TNRC18: variants seen among roughly 807,000 people sequenced by gnomAD.
The protein encoded by TNRC18 is trinucleotide repeat containing 18.
Under a neutral mutation model 226.7 loss-of-function variants are expected in TNRC18, and 69 were observed. The ratio of observed to expected loss-of-function variants is 0.30; its 90% CI spans 0.25 to 0.37. TNRC18 has a LOEUF of 0.37. Ranked by LOEUF, TNRC18 falls within the 10% of genes least tolerant of loss-of-function variation. The pLI, the probability that TNRC18 is intolerant of heterozygous loss-of-function variation, is 1.00. For synonymous variants in TNRC18, 2,449 were observed against 1,927.6 expected (o/e 1.27, Z -7.09); for missense variants, 4,754 against 4,256.6 (o/e 1.12, Z -3.25).
Position 5,376,918 on chromosome 7 carries a change from G to T in TNRC18, c.2537C>A (p.Ala846Asp), listed in dbSNP as rs1436888054. The change falls in exon 8 of 30, where the codon GCC (alanine) becomes GAC (aspartate). Residue 846 changes from alanine (A) to aspartate (D), a missense_variant. Coordinates refer to ENST00000430969, the MANE Select transcript of TNRC18 (RefSeq NM_001080495.3). ...TTGGGGGTCCCTGACAAACTGGTAG[G>T]CTGACGGGAGGGAGCCCCCCAGGCC... Reference protein sequence around the residue: ...PPGLGGSLPSAYQFVRDPQSG... With the variant: ...PPGLGGSLPSDYQFVRDPQSG... 2 of 1,605,506 alleles carry T rather than the reference G, an allele frequency of 1.2e-6. No homozygotes were observed. The highest frequency in any genetic ancestry group is 8.5e-7 in the Non-Finnish European group (1 of 1,176,178).
chr7:5,358,762 C>T (rs1165529095), intron 15 of TNRC18, among the ~76,000 whole-genome samples: 2 of 152,220 alleles, frequency 1.3e-5, no homozygotes, highest in African/African-American at 2.4e-5. Flanking sequence ...TGCAGTGAGC[C>T]GAGATCGTGC....
chr7:5,389,375 C>T, intron 4 of TNRC18, 39 bp from the exon 5 acceptor site: 1 of 1,237,504 alleles, frequency 8.1e-7, no homozygotes, highest in South Asian at 3.7e-5. Context: ...GCGAGCGCCA[C>T]CTCCCCTCCC....
chr7:5,319,655 C>A (rs1004936291), intron 24 of TNRC18, among the ~76,000 whole-genome samples: 1 of 152,060 alleles, frequency 6.6e-6, no homozygotes, highest in Non-Finnish European at 1.5e-5. Context: ...ATTACAGGCA[C>A]CTGCCACCAC....
Position 5,325,146 on chromosome 7 carries a change from C to T in TNRC18, c.6250G>A (p.Ala2084Thr), listed in dbSNP as rs561713828. Residue 2084 changes from alanine to threonine, a missense_variant, in exon 20 of 30, where the codon GCT becomes ACT. Ala to Thr is a moderately conservative substitution (Grantham distance 58). Coordinates refer to ENST00000430969, the MANE Select transcript of TNRC18 (RefSeq NM_001080495.3). The stretch of plus-strand genomic sequence containing the variant: ...GCCTTGGCTTTGCTCCTTTTGGCAG[C>T]GGTCAGGGAGCTGGCGTGAGGAGCC... ...ARAPHASSLT[A>T]AKRSKAKAKG... is the part of the protein sequence containing the mutation. 8.8e-4 allele frequency: 1,365 copies of T among 1,551,208 alleles called. 20 individuals are homozygous for T. The South Asian group carries it at 0.015, about 17-fold the overall frequency.
chr7:5,334,569 T>G (rs1789897071), intron 18 of TNRC18, among the ~76,000 whole-genome samples: 1 of 152,062 alleles, frequency 6.6e-6, no homozygotes, highest in African/African-American at 2.4e-5. Flanking sequence ...AGTGCTGGGA[T>G]TACAGGTGTG....
intron 18 of TNRC18, among the ~76,000 whole-genome samples, chr7:5,339,279 G>A (rs1463519729): frequency 7.3e-6 from 1 of 136,934 alleles, no homozygotes; most frequent in African/African-American, 2.7e-5. Context: ...TCACTCTATT[G>A]CCCAGGCTGA....
chr7:5,396,809 C>T (rs970120955), intron 2 of TNRC18, among the ~76,000 whole-genome samples: 18 of 152,240 alleles, frequency 1.2e-4, no homozygotes, highest in South Asian at 6.2e-4. Flanking sequence ...TAGATGGCCC[C>T]GGTCCAGCCT....
rs1562602207 is a variant in TNRC18, at chr7:5,389,465, T to TG, written c.488-130_488-129insC. ...TCCCCCAGTGTTTTGGTTTTGGTTT[T>TG]TTTTTTCAGAAAGAGTCTCGCTCTC... is the stretch of plus-strand genomic sequence containing the variant. On this transcript the variant is annotated intron_variant, in intron 4 of 29. Coordinates refer to ENST00000430969, the MANE Select transcript of TNRC18 (RefSeq NM_001080495.3). 69 of 1,093,848 alleles carry TG rather than the reference T, an allele frequency of 6.3e-5. 1 individual carries two copies. In the African/African-American group the frequency reaches 1.0e-3, roughly 16 times the overall value. 67.8% of individuals were successfully genotyped at this position (1,093,848 alleles called of 1,614,324 possible). A position where few individuals can be genotyped will look rare whatever the true frequency, so the allele number is the denominator to read the frequency against.
intron 17 of TNRC18, among the ~76,000 whole-genome samples, chr7:5,351,047 T>TA (rs1350831720): frequency 6.6e-6 from 1 of 151,964 alleles, no homozygotes; most frequent in Non-Finnish European, 1.5e-5. Context: ...AACAAGCAAC[T>TA]AAAAAAACAT....
chr7:5,350,746 G>A (rs1791708115), intron 17 of TNRC18, among the ~76,000 whole-genome samples: 2 of 152,244 alleles, frequency 1.3e-5, no homozygotes, highest in African/African-American at 4.8e-5. Context: ...GGCAAGGCCA[G>A]CGGGTTCTCA....
chr7:5,352,090 C>T lies in TNRC18; in HGVS notation c.5199G>A (p.Thr1733=), dbSNP rs761184782. 7.5e-6 allele frequency: 12 copies of T among 1,600,564 alleles called. No individual in the cohort carries two copies. Among genetic ancestry groups the T allele is most frequent in the East Asian group, 4.5e-5 (2 of 44,612 alleles). ...ASEVSSYSYN[T]DSEEDEEFLK... ...GGAATTCTTCGTCTTCCTCTGAGTC[C>T]GTATCTGCAGTCAAAGTAGTTTTTA... The change falls in exon 17 of 30, where the codon ACG becomes ACA. Residue 1733 remains threonine, a synonymous_variant. Transcript: ENST00000430969.
intron 2 of TNRC18, among the ~76,000 whole-genome samples, chr7:5,397,596 C>G (rs1369713372): frequency 6.6e-6 from 1 of 152,188 alleles, no homozygotes; most frequent in Non-Finnish European, 1.5e-5. Flanking sequence ...GGCCAGCGTG[C>G]CACCCCCCTC....
At chr7:5,319,480 T>C (rs1209600382) in intron 24 of TNRC18, among the ~76,000 whole-genome samples, 1 of 152,158 alleles carries the variant, frequency 6.6e-6, no homozygotes, top group Non-Finnish European at 1.5e-5. Context: ...TTTCCTAGGG[T>C]ACCTGTTGTT....
At chr7:5,375,972 C>T (rs994591894) in intron 9 of TNRC18, 62 bp downstream of exon 9, 15 of 1,458,332 alleles carry the variant, frequency 1.0e-5, no homozygotes, top group Non-Finnish European at 1.3e-5. Flanking sequence ...CTGGCTGACT[C>T]GTCTGCCTCG....
Position 5,307,890 on chromosome 7 carries a change from G to C in TNRC18, c.*216C>G, listed in dbSNP as rs933991326. ...GGGCCCCTGTCCTGGGGGCACTGAG[G>C]GGTTGGAAGGTGGGGCTGGAGGCAT... On this transcript the variant is annotated 3_prime_UTR_variant, in exon 30 of 30. Coordinates refer to ENST00000430969, the MANE Select transcript of TNRC18 (RefSeq NM_001080495.3). 6.8e-6 allele frequency: 4 copies of C among 584,530 alleles called. No homozygotes were observed. The highest frequency in any genetic ancestry group is 5.6e-5 in the African/African-American group (3 of 53,456). The allele number at this position is 584,530 out of a possible 1,614,324, so 36.2% of individuals were successfully genotyped here.
Position 5,312,259 on chromosome 7 carries a change from C to T in TNRC18, c.8388+244G>A, listed in dbSNP as rs1007877657. Reference sequence around the variant, plus strand: ...TCTGGGCTCCACGAGGGTGGCTCTGCGTCCCGGGACCAGAGGGCAGGACCA... The same window carrying T: ...TCTGGGCTCCACGAGGGTGGCTCTGTGTCCCGGGACCAGAGGGCAGGACCA... On this transcript the variant is annotated intron_variant, in intron 27 of 29. Transcript: ENST00000430969. This position sits in a 1 kb window ranked among gnomAD's most constrained non-coding sequence, Gnocchi z 6.3. 1.3e-5 allele frequency among the ~76,000 whole-genome samples: 2 copies of T among 152,228 alleles called. No individual in the cohort carries two copies. Among genetic ancestry groups the T allele is most frequent in the Admixed American group, 6.5e-5 (1 of 15,282 alleles).
At chr7:5,320,083 C>G (rs907825694) in intron 24 of TNRC18, 6 of 507,134 alleles carry the variant, frequency 1.2e-5, no homozygotes, top group African/African-American at 7.7e-5. Context: ...CTCCAAGGAG[C>G]TAGTGTGAAG....
chr7:5,378,037 A>G lies in TNRC18; in HGVS notation c.2153-13T>C. ...GCTCGGCCGTGCCCTGCAGGGGGCC[A>G]GGTGGAAGTGAGCCCCCAGCCAGCA... is the stretch of plus-strand genomic sequence containing the variant. On this transcript the variant is annotated splice_polypyrimidine_tract_variant and intron_variant, in intron 5 of 29. Transcript: ENST00000430969. 1 of 1,603,710 alleles carries G rather than the reference A, an allele frequency of 6.2e-7. No homozygotes were observed. The highest frequency in any genetic ancestry group is 1.1e-5 in the South Asian group (1 of 90,892).
chr7:5,340,449 G>A (rs1470346785), intron 18 of TNRC18, among the ~76,000 whole-genome samples: 3 of 152,122 alleles, frequency 2.0e-5, no homozygotes, highest in East Asian at 3.9e-4. Flanking sequence ...AAGGAAAGAA[G>A]CTATCAGTTG....
Sources: allele counts gnomAD v4.1 joint callset (sites outside exome capture counted in the v4.1 genomes callset), GRCh38; gene constraint gnomAD v4.1.1; non-coding constraint Gnocchi (gnomAD v3.1); transcripts MANE v1.5; gene names NCBI Gene and HGNC (gene_info 2026-07-23, HGNC 2026-07-21).